Variants in TARDBP observed in about 807,000 individuals in gnomAD.
TARDBP encodes TAR DNA-binding protein 43.
Under a neutral mutation model 38.3 loss-of-function variants are expected in TARDBP, and 4 were observed. The ratio of observed to expected loss-of-function variants is 0.10; its 90% CI spans 0.05 to 0.24. The LOEUF is 0.24. Among genes scored for constraint, TARDBP ranks in the 10% least tolerant of loss-of-function variants. The probability of loss-of-function intolerance (pLI) is 1.00; values close to 1 mark genes in which losing one functional copy is unlikely to be tolerated. For synonymous variants in TARDBP, 184 were observed against 183.8 expected, an observed-to-expected ratio of 1.00 and a Z score of -0.01; for missense variants, 202 against 521.9, an observed-to-expected ratio of 0.39 and a Z score of 5.97.
chr1:11,023,272 C>G lies in TARDBP; in HGVS notation c.*618C>G. On this transcript the variant is annotated 3_prime_UTR_variant, in exon 6 of 6. Coordinates refer to ENST00000240185, the MANE Select transcript of TARDBP (RefSeq NM_007375.4). Reference sequence around the variant, plus strand: ...AAATATTCTGCCATAGGAATACTGTCTACATGCTTTCTCATTCAAGAATTC... The same window carrying G: ...AAATATTCTGCCATAGGAATACTGTGTACATGCTTTCTCATTCAAGAATTC... 1 of 1,548,708 alleles carries G rather than the reference C, an allele frequency of 6.5e-7. No homozygotes were observed. The highest frequency in any genetic ancestry group is 8.7e-7 in the Non-Finnish European group (1 of 1,145,572).
At chr1:11,025,674 T>C (rs771105283), downstream of TARDBP, 2 of 152,250 alleles carry the variant, frequency 1.3e-5, no homozygotes, top group Non-Finnish European at 2.9e-5. Context: ...CAGTAAGCTT[T>C]TACATGGAAT....
intron 2 of TARDBP, chr1:11,016,181 C>T (rs1643521037): frequency 6.6e-6 from 1 of 152,378 alleles, no homozygotes; most frequent in South Asian, 2.1e-4. Context: ...CCTTGTGATC[C>T]ACCTGCCTCA....
At chr1:11,030,198 T>C (rs1325694471), downstream of TARDBP, 1 of 1,612,992 alleles carries the variant, frequency 6.2e-7, no homozygotes, top group East Asian at 2.2e-5. Flanking sequence ...CTGGGAGTGA[T>C]TTTTCTCCTT....
intron 5 of TARDBP, 72 bp downstream of exon 5, chr1:11,020,671 G>T: frequency 1.3e-6 from 2 of 1,549,642 alleles, no homozygotes. Flanking sequence ...CACTTTGGAG[G>T]CCGAGGCGGG....
chr1:11,022,290 G>T lies in TARDBP; in HGVS notation c.881G>T (p.Gly294Val), dbSNP rs80356721. The T allele has an allele frequency of 3.1e-6, 5 of 1,613,862 alleles. No homozygotes were observed. The highest frequency in any genetic ancestry group is 2.5e-6 in the Non-Finnish European group (3 of 1,179,880). The change falls in exon 6 of 6, where the codon GGG (glycine) becomes GTG (valine). Residue 294 changes from glycine to valine, a missense_variant. Around this residue, in one of 5 missense-constraint regions of TARDBP, gnomAD observed 107 missense variants for 190.5 expected, o/e 0.56. Coordinates refer to ENST00000240185, the MANE Select transcript of TARDBP (RefSeq NM_007375.4). The surrounding 1 kb of genome is among the most constrained non-coding windows in gnomAD (Gnocchi z 4.5). ...GNQGGFGNSRGGGAGLGNNQG... is the reference protein window; with the variant it reads ...GNQGGFGNSRVGGAGLGNNQG... ...CAGGGTGGATTTGGTAATAGCAGAG[G>T]GGGTGGAGCTGGTTTGGGAAACAAT...
At chr1:11,030,464 G>A, downstream of TARDBP, 1 of 581,228 alleles carries the variant, frequency 1.7e-6, no homozygotes, top group Non-Finnish European at 3.0e-6. Context: ...ACTTGAATAT[G>A]TATCAAGATC....
chr1:11,018,394 G>C (rs1051919555), intron 3 of TARDBP: 2 of 351,408 alleles, frequency 5.7e-6, no homozygotes, highest in East Asian at 1.4e-4. Flanking sequence ...TTGCTGTGTT[G>C]CCCAGGCTGG....
At chr1:11,015,681 A>AG (rs1643507886) in intron 2 of TARDBP, 1 of 150,418 alleles carries the variant, frequency 6.6e-6, no homozygotes, top group South Asian at 2.1e-4. Flanking sequence ...AAAAAAAAAA[A>AG]TTATCTCCCC....
chr1:11,028,345 A>G (rs1281084314), downstream of TARDBP, among the ~76,000 whole-genome samples: 1 of 152,234 alleles, frequency 6.6e-6, no homozygotes, highest in Non-Finnish European at 1.5e-5. Context: ...TACTTGTAAA[A>G]TGGGTATTTA....
chr1:11,014,688 C>T (rs1435439819), intron 2 of TARDBP, among the ~76,000 whole-genome samples: 2 of 152,162 alleles, frequency 1.3e-5, no homozygotes, highest in Non-Finnish European at 2.9e-5. Flanking sequence ...CCTGTAATCC[C>T]AGCACTTTGG....
downstream of TARDBP, chr1:11,026,764 T>C (rs1643739370): frequency 1.3e-6 from 1 of 791,698 alleles, no homozygotes; most frequent in Non-Finnish European, 1.8e-6. Flanking sequence ...AGTCTGTTTT[T>C]TTGGGTGGAG....
rs1327404902 is a variant in TARDBP, at chr1:11,024,718, T to G, written c.*2064T>G. ...CAGGAGGTGGGGGAATGTGGTAACA[T>G]TGAATACAGTTGAATAAAATCGCTT... On this transcript the variant is annotated 3_prime_UTR_variant, in exon 6 of 6. Coordinates refer to ENST00000240185, the MANE Select transcript of TARDBP (RefSeq NM_007375.4). 2 of 152,676 alleles carry G rather than the reference T, an allele frequency of 1.3e-5. No homozygotes were observed. Among genetic ancestry groups the G allele is most frequent in the Non-Finnish European group, 2.9e-5 (2 of 68,062 alleles). The allele number at this position is 152,676 out of a possible 1,614,324, so 9.5% of individuals were successfully genotyped here. A position where few individuals can be genotyped will look rare whatever the true frequency, so the allele number is the denominator to read the frequency against.
chr1:11,017,029 C>T (rs1254346956), intron 3 of TARDBP, 22 bp downstream of exon 3: 4 of 1,613,160 alleles, frequency 2.5e-6, no homozygotes, highest in South Asian at 2.2e-5. Context: ...TTGCATCAAA[C>T]AGTTTTTCTT....
intron 2 of TARDBP, 98 bp downstream of exon 2, chr1:11,014,063 G>A: frequency 8.1e-7 from 1 of 1,228,112 alleles, no homozygotes; most frequent in Admixed American, 1.7e-5. Context: ...AATGTCTCCT[G>A]AAACTTAAGT....
At chr1:11,020,734 C>T (rs891790702) in intron 5 of TARDBP, 135 bp downstream of exon 5, 12 of 843,444 alleles carry the variant, frequency 1.4e-5, no homozygotes, top group African/African-American at 1.2e-4. Flanking sequence ...GGTGAAACCC[C>T]GTCTCTATTA....
At chr1:11,020,246 G>C (rs1320734356) in intron 4 of TARDBP, among the ~76,000 whole-genome samples, 183 bp from the exon 5 acceptor site, 1 of 152,072 alleles carries the variant, frequency 6.6e-6, no homozygotes, top group African/African-American at 2.4e-5. Context: ...AACTTAAAAC[G>C]TTACTCTTCA....
At position 11,022,250 on chromosome 1, in the gene TARDBP, G is replaced by A. The variant is rs1315049575; in HGVS notation, c.841G>A (p.Gly281Ser). The A allele has an allele frequency of 1.9e-6, 3 of 1,613,996 alleles. No individual in the cohort carries two copies. The highest frequency in any genetic ancestry group is 2.5e-6 in the Non-Finnish European group (3 of 1,179,876). Residue 281 changes from glycine (G) to serine (S), a missense_variant, in exon 6 of 6, where the codon GGT becomes AGT. Transcript: ENST00000240185. This position sits in a 1 kb window ranked among gnomAD's most constrained non-coding sequence, Gnocchi z 4.5. ...AAGTGGAAGATTTGGTGGTAATCCA[G>A]GTGGCTTTGGGAATCAGGGTGGATT... The part of the protein sequence containing the change: ...ERSGRFGGNP[G>S]GFGNQGGFGN...
chr1:11,018,719 A>G lies in TARDBP; in HGVS notation c.403-14A>G, dbSNP rs370601916. The G allele has an allele frequency of 5.6e-6, 9 of 1,614,068 alleles. No individual in the cohort carries two copies. The African/African-American group carries it at 9.3e-5, about 17-fold the overall frequency. ...ATGTGCACTTTTAGAGTAAACTTGT[A>G]TCATCCTTTCTAGGTCAAGAAAGAT... On this transcript the variant is annotated splice_polypyrimidine_tract_variant and intron_variant, in intron 3 of 5. Coordinates refer to ENST00000240185, the MANE Select transcript of TARDBP (RefSeq NM_007375.4).
chr1:11,019,927 C>T lies in TARDBP; in HGVS notation c.544-502C>T, dbSNP rs1643604079. 2.1e-5 allele frequency among the ~76,000 whole-genome samples: 3 copies of T among 144,510 alleles called. No homozygotes were observed. In the South Asian group the frequency reaches 6.7e-4, roughly 32 times the overall value. The allele number at this position is 144,510 out of a possible 152,430, so 94.8% of individuals were successfully genotyped here. Reference sequence around the variant, plus strand: ...TTGCTCAGGCTGGAGTGCAATGGTGCAATCTTGGCTCACTGCAACCTCCTC... The same window carrying T: ...TTGCTCAGGCTGGAGTGCAATGGTGTAATCTTGGCTCACTGCAACCTCCTC... On this transcript the variant is annotated intron_variant, in intron 4 of 5. Transcript: ENST00000240185.
Sources: gnomAD v4.1 joint callset for allele counts (sites outside exome capture counted in the v4.1 genomes callset) on GRCh38, gnomAD v4.1.1 for gene constraint, gnomAD v4.1.1 regional missense constraint, Gnocchi (gnomAD v3.1) non-coding constraint, MANE v1.5 for transcripts, NCBI Gene and HGNC (gene_info 2026-07-23, HGNC 2026-07-21) for gene names.